The following CASK variants were observed in gnomAD, a reference collection of about 807,000 sequenced individuals.
CASK encodes peripheral plasma membrane protein CASK.
In CASK, 4 loss-of-function variants were observed where a neutral mutation model predicts 82.9. The ratio of observed to expected loss-of-function variants is 0.05; its 90% CI spans 0.02 to 0.11. CASK has a LOEUF of 0.11. CASK is among the 10% of genes least tolerant of loss of function. The pLI is 1.00. For missense variants in CASK, 358 were observed against 720.9 expected, an observed-to-expected ratio of 0.50 and a Z score of 5.76; for synonymous variants, 259 against 253.5, an observed-to-expected ratio of 1.02 and a Z score of -0.20.
chrX:41,778,570 T>C (rs1448933353), intron 3 of CASK, among the ~76,000 whole-genome samples: 1 of 111,995 alleles, frequency 8.9e-6, no homozygotes, highest in Non-Finnish European at 1.9e-5. Flanking sequence ...ATACTTCTTT[T>C]AAATAACAGA....
intron 2 of CASK, among the ~76,000 whole-genome samples, chrX:41,843,495 G>A (rs924533266): frequency 6.3e-5 from 7 of 111,446 alleles, no homozygotes; most frequent in Admixed American, 3.8e-4. Context: ...TTGAATTTCT[G>A]TTATAATTCT....
At chrX:41,776,133 T>C (rs766405319) in intron 3 of CASK, among the ~76,000 whole-genome samples, 3 of 112,620 alleles carry the variant, frequency 2.7e-5, no homozygotes, top group Non-Finnish European at 5.6e-5. Context: ...TCAAGTATTG[T>C]GTGCTGTATA....
intron 1 of CASK, among the ~76,000 whole-genome samples, chrX:41,880,848 G>A (rs1397916044): frequency 9.0e-6 from 1 of 111,331 alleles, no homozygotes; most frequent in Non-Finnish European, 1.9e-5. Context: ...TAAAATATGG[G>A]GGAGAAAAGA....
intron 26 of CASK, among the ~76,000 whole-genome samples, chrX:41,521,213 A>G (rs2147061440): frequency 8.9e-6 from 1 of 112,534 alleles, no homozygotes; most frequent in South Asian, 3.7e-4. Context: ...CCCTCACTCA[A>G]TAGCAGCTGA....
At chrX:41,831,636 T>C (rs1391862670) in intron 2 of CASK, among the ~76,000 whole-genome samples, 1 of 112,424 alleles carries the variant, frequency 8.9e-6, no homozygotes, top group Non-Finnish European at 1.9e-5. Context: ...ATTCATGCTA[T>C]TGAAGAAGTA....
rs190483369 is a variant in CASK at position 41,916,856 on chromosome X, T to A, written c.59+6074A>T. On this transcript the variant is annotated intron_variant, in intron 1 of 26. Coordinates refer to ENST00000378163, the MANE Select transcript of CASK (RefSeq NM_001367721.1). Reference sequence around the variant, plus strand: ...GGGGCAAGGGAAATGGAAGAAAAAATTTGGAGAGTAAAAGAAGTAGAGAAA... The same window carrying A: ...GGGGCAAGGGAAATGGAAGAAAAAAATTGGAGAGTAAAAGAAGTAGAGAAA... Among the ~76,000 whole-genome samples, 404 of 111,654 alleles carry A rather than the reference T, an allele frequency of 3.6e-3. 2 individuals are homozygous for A. Among genetic ancestry groups the A allele is most frequent in the African/African-American group, 0.013 (392 of 30,720 alleles).
chrX:41,524,082 C>T (rs1270732928), intron 25 of CASK, 48 bp from the exon 26 acceptor site: 1 of 894,740 alleles, frequency 1.1e-6, no homozygotes, highest in Non-Finnish European at 1.6e-6. Flanking sequence ...GAAGAAATAA[C>T]TAATGTAACT....
At chrX:41,705,580 T>C (rs774964412) in intron 5 of CASK, among the ~76,000 whole-genome samples, 70 of 110,699 alleles carry the variant, frequency 6.3e-4, no homozygotes, top group Non-Finnish European at 1.1e-3. Context: ...TGTTAATACA[T>C]ATCTGATTCT....
chrX:41,830,647 C>T (rs746660765), intron 2 of CASK, among the ~76,000 whole-genome samples: 31 of 106,878 alleles, frequency 2.9e-4, no homozygotes, highest in Non-Finnish European at 4.8e-4. Context: ...GGTGAAACCC[C>T]GTCTCTACTA....
At position 41,520,293 on chromosome X, in the gene CASK, T is replaced by G. The variant is rs1174165628; in HGVS notation, c.*127A>C. On this transcript the variant is annotated 3_prime_UTR_variant, in exon 27 of 27. Transcript: ENST00000378163. ...ATCTATTCGGACATGACAATAATTA[T>G]AAATGTAGGTCACACTACAACTAGG... 57 of 458,702 alleles carry G rather than the reference T, an allele frequency of 1.2e-4. No individual in the cohort carries two copies. In the East Asian group the frequency reaches 2.1e-3, roughly 17 times the overall value. The allele number at this position is 458,702 out of a possible 1,213,427, so 37.8% of individuals were successfully genotyped here. A position where few individuals can be genotyped will look rare whatever the true frequency, so the allele number is the denominator to read the frequency against.
intron 5 of CASK, among the ~76,000 whole-genome samples, chrX:41,687,965 CAA>C (rs76783862): frequency 1.6e-4 from 4 of 24,580 alleles, no homozygotes; most frequent in African/African-American, 2.9e-4. Context: ...AACTCCGTCT[CAA>C]AAAAAAAAAA....
intron 4 of CASK, among the ~76,000 whole-genome samples, chrX:41,742,049 C>A (rs1361771328): frequency 1.8e-5 from 2 of 111,723 alleles, no homozygotes; most frequent in Non-Finnish European, 3.8e-5. Context: ...CTTGTCAATG[C>A]AGGTGAAAAG....
At chrX:41,593,150 G>C (rs768517522) in intron 12 of CASK, among the ~76,000 whole-genome samples, 33 of 111,704 alleles carry the variant, frequency 3.0e-4, no homozygotes, top group Non-Finnish European at 4.3e-4. Flanking sequence ...GCTTCTACCT[G>C]AGGTGGGGGC....
intron 1 of CASK, among the ~76,000 whole-genome samples, chrX:41,896,505 T>C (rs1427398835): frequency 8.9e-6 from 1 of 112,126 alleles, no homozygotes; most frequent in African/African-American, 3.2e-5. Context: ...ACATAGCATA[T>C]AAGAAACAAA....
chrX:41,854,212 GCGCGGGC>G (rs2071322711), intron 1 of CASK, among the ~76,000 whole-genome samples: 1 of 88,773 alleles, frequency 1.1e-5, no homozygotes, highest in Non-Finnish European at 2.2e-5. Flanking sequence ...ATGCGCGCGC[GCGCGGGC>G]GCGCGCACAC....
chrX:41,697,277 A>T (rs1477517635), intron 5 of CASK: 5 of 123,603 alleles, frequency 4.0e-5, no homozygotes, highest in Non-Finnish European at 9.4e-5. Context: ...AAAAAATGAG[A>T]TCACCCACTA....
intron 12 of CASK, among the ~76,000 whole-genome samples, chrX:41,591,800 G>A (rs112215446): frequency 0.025 from 2,756 of 110,899 alleles, 97 homozygotes; most frequent in African/African-American, 0.086. Context: ...TGCACTTTAA[G>A]ATTTGTTGAG....
At chrX:41,820,047 T>G (rs1176154638) in intron 2 of CASK, among the ~76,000 whole-genome samples, 1 of 111,087 alleles carries the variant, frequency 9.0e-6, no homozygotes, top group African/African-American at 3.3e-5. Flanking sequence ...GAAACAAAAG[T>G]CATACAGAAT....
intron 1 of CASK, among the ~76,000 whole-genome samples, chrX:41,862,845 A>G (rs1265265758): frequency 2.7e-5 from 3 of 112,181 alleles, no homozygotes; most frequent in Non-Finnish European, 5.6e-5. Context: ...GAAAACTTAC[A>G]AATTTCTGGC....
Sources: gnomAD v4.1 joint callset for allele counts (sites outside exome capture counted in the v4.1 genomes callset) on GRCh38, gnomAD v4.1.1 for gene constraint, MANE v1.5 for transcripts, NCBI Gene and HGNC (gene_info 2026-07-23, HGNC 2026-07-21) for gene names.